The following GRK5 variants were observed in gnomAD, a reference collection of about 807,000 sequenced individuals.
GRK5 encodes the protein G protein-coupled receptor kinase 5.
In GRK5, 40 loss-of-function variants were observed where a neutral mutation model predicts 78.4. The observed-to-expected ratio is 0.51, with a 90% CI of 0.40 to 0.66. The LOEUF (loss-of-function observed/expected upper bound fraction) is 0.66. Among genes scored for constraint, GRK5 ranks in the 30% least tolerant of loss-of-function variants. GRK5 has a pLI of 0.00. For synonymous variants in GRK5, 289 were observed against 296.8 expected (o/e 0.97, Z 0.27); for missense variants, 598 against 759.9 (o/e 0.79, Z 2.50).
chr10:119,259,208 G>A (rs1849334127), intron 1 of GRK5, among the ~76,000 whole-genome samples: 1 of 152,030 alleles, frequency 6.6e-6, no homozygotes, highest in South Asian at 2.1e-4. Flanking sequence ...GGGACTATAG[G>A]CGCCCACCAC....
At chr10:119,245,772 C>A (rs1233096374) in intron 1 of GRK5, among the ~76,000 whole-genome samples, 1 of 152,086 alleles carries the variant, frequency 6.6e-6, no homozygotes. Flanking sequence ...AATCCCAGCA[C>A]TTTGGGAGGC....
At chr10:119,246,019 CAAAAAAAAAAAAA>C (rs941734040) in intron 1 of GRK5, among the ~76,000 whole-genome samples, 1 of 14,036 alleles carries the variant, frequency 7.1e-5, no homozygotes, top group Non-Finnish European at 1.4e-4. Flanking sequence ...GACTCCATCT[CAAAAAAAAAAAAA>C]AAAAAAAAAA....
intron 1 of GRK5, among the ~76,000 whole-genome samples, chr10:119,266,184 G>A (rs1033116852): frequency 6.6e-6 from 1 of 152,184 alleles, no homozygotes; most frequent in Admixed American, 6.5e-5. Context: ...GGATGGGCGC[G>A]AAGGCTCACA....
chr10:119,271,998 C>T lies in GRK5; in HGVS notation c.53-54518C>T, dbSNP rs1393071845. Among the ~76,000 whole-genome samples the T allele has an allele frequency of 6.6e-6, 1 of 152,184 alleles. No homozygotes were observed. The highest frequency in any genetic ancestry group is 1.5e-5 in the Non-Finnish European group (1 of 68,028). On this transcript the variant is annotated intron_variant, in intron 1 of 15. Transcript: ENST00000392870. The surrounding 1 kb of genome is among the most constrained non-coding windows in gnomAD (Gnocchi z 4.1). ...AGTCTCATGACTCTGCTGGGAAGAGCCTTCCTGCGGGCCCCCTTGAGCTAG... is the reference window on the plus strand; with the variant it reads ...AGTCTCATGACTCTGCTGGGAAGAGTCTTCCTGCGGGCCCCCTTGAGCTAG...
intron 2 of GRK5, among the ~76,000 whole-genome samples, chr10:119,361,430 C>T (rs1451890190): frequency 1.3e-5 from 2 of 152,210 alleles, no homozygotes; most frequent in African/African-American, 2.4e-5. Flanking sequence ...CATTCACTTC[C>T]GAGAACCTGC....
At chr10:119,454,063 A>G (rs1267351317) in intron 15 of GRK5, among the ~76,000 whole-genome samples, 2 of 152,188 alleles carry the variant, frequency 1.3e-5, no homozygotes, top group Admixed American at 6.5e-5. Flanking sequence ...TCCCTCACCT[A>G]GTTCTGCTCC....
At chr10:119,250,794 G>A (rs1223734348) in intron 1 of GRK5, among the ~76,000 whole-genome samples, 2 of 152,162 alleles carry the variant, frequency 1.3e-5, no homozygotes, top group Non-Finnish European at 2.9e-5. Flanking sequence ...GAGTAAAGAG[G>A]ATGTGTAATA....
rs186962005 is a variant in GRK5, at chr10:119,253,069, C to T, written c.52+45100C>T. Among the ~76,000 whole-genome samples, 12 of 152,228 alleles carry T rather than the reference C, an allele frequency of 7.9e-5. No individual in the cohort carries two copies. In the South Asian group the frequency reaches 1.2e-3, roughly 16 times the overall value. On this transcript the variant is annotated intron_variant, in intron 1 of 15. Transcript: ENST00000392870. This position sits in a 1 kb window ranked among gnomAD's most constrained non-coding sequence, Gnocchi z 5.7. ...GGACAGTGCCCTGGTTTTCCTGATA[C>T]GCCCCCTTAGTGCTCAAGGCTGGTT...
chr10:119,399,793 A>G (rs1037945725), intron 4 of GRK5, among the ~76,000 whole-genome samples: 4 of 152,106 alleles, frequency 2.6e-5, no homozygotes, highest in African/African-American at 9.7e-5. Flanking sequence ...TACAGAACAC[A>G]TCCAAGAGCC....
chr10:119,430,317 C>G lies in GRK5; in HGVS notation c.534-58C>G. 3.4e-6 allele frequency: 5 copies of G among 1,474,796 alleles called. No homozygotes were observed. The South Asian group carries it at 5.7e-5, about 17-fold the overall frequency. The allele number at this position is 1,474,796 out of a possible 1,614,324, so 91.4% of individuals were successfully genotyped here. ...AGCTGCTCTCAATGTGCCACTGTTT[C>G]CTGTGGATTCTGAGTCTTGGCACCA... On this transcript the variant is annotated intron_variant, in intron 6 of 15. Coordinates refer to ENST00000392870, the MANE Select transcript of GRK5 (RefSeq NM_005308.3). This position sits in a 1 kb window ranked among gnomAD's most constrained non-coding sequence, Gnocchi z 4.5.
At chr10:119,285,728 A>G (rs1440231600) in intron 1 of GRK5, among the ~76,000 whole-genome samples, 2 of 152,166 alleles carry the variant, frequency 1.3e-5, no homozygotes, top group South Asian at 2.1e-4. Context: ...AAAAACTTTT[A>G]ACAACAACAG....
chr10:119,377,734 C>T (rs1851647875), intron 2 of GRK5, among the ~76,000 whole-genome samples: 2 of 152,096 alleles, frequency 1.3e-5, no homozygotes, highest in South Asian at 4.1e-4. Flanking sequence ...TCAAATGAAC[C>T]CTTAAGGGAT....
chr10:119,259,254 C>T (rs11594067), intron 1 of GRK5, among the ~76,000 whole-genome samples: 25,376 of 151,518 alleles, frequency 0.17, 2,246 homozygotes, highest in Admixed American at 0.24. Context: ...TTAGTAGAGA[C>T]GGGGTTTCAC....
At chr10:119,392,495 C>T (rs1047525507) in intron 3 of GRK5, among the ~76,000 whole-genome samples, 3 of 152,176 alleles carry the variant, frequency 2.0e-5, no homozygotes, top group Non-Finnish European at 2.9e-5. Flanking sequence ...CTCTGCCTCC[C>T]GAGTTCAATC....
intron 2 of GRK5, among the ~76,000 whole-genome samples, chr10:119,331,045 T>C (rs983706631): frequency 6.6e-6 from 1 of 152,178 alleles, no homozygotes; most frequent in South Asian, 2.1e-4. Context: ...CCAGTCTGCC[T>C]GGCCCCACCT....
intron 1 of GRK5, among the ~76,000 whole-genome samples, chr10:119,324,880 C>T (rs991500878): frequency 4.0e-5 from 6 of 151,780 alleles, no homozygotes; most frequent in African/African-American, 9.7e-5. Context: ...AGCCTCACCA[C>T]GGCAGGTGCC....
chr10:119,272,591 AAAG>A (rs146077068), intron 1 of GRK5, among the ~76,000 whole-genome samples: 67,451 of 115,188 alleles, frequency 0.59, 20,630 homozygotes, highest in East Asian at 0.74. Flanking sequence ...AAAAAAAAAA[AAAG>A]AAAGAAAGAA....
At chr10:119,245,979 T>C (rs77526287) in intron 1 of GRK5, among the ~76,000 whole-genome samples, 3,202 of 122,250 alleles carry the variant, frequency 0.026, 59 homozygotes, top group Admixed American at 0.089. Flanking sequence ...GAGATCATGC[T>C]ACTGCCCTCC....
chr10:119,264,458 C>T lies in GRK5; in HGVS notation c.52+56489C>T, dbSNP rs547638051. ...TGCTGCTTTCTGAGTGTTGGCCTCTCTCTCCTACTACCGCTCATCCTTCTC... is the reference window on the plus strand; with the variant it reads ...TGCTGCTTTCTGAGTGTTGGCCTCTTTCTCCTACTACCGCTCATCCTTCTC... On this transcript the variant is annotated intron_variant, in intron 1 of 15. Transcript: ENST00000392870. This position sits in a 1 kb window ranked among gnomAD's most constrained non-coding sequence, Gnocchi z 4.1. Among the ~76,000 whole-genome samples the T allele has an allele frequency of 6.6e-6, 1 of 152,270 alleles. No individual in the cohort carries two copies. The highest frequency in any genetic ancestry group is 2.1e-4 in the South Asian group (1 of 4,822).
Sources: gnomAD v4.1 joint callset for allele counts (sites outside exome capture counted in the v4.1 genomes callset) on GRCh38, gnomAD v4.1.1 for gene constraint, Gnocchi (gnomAD v3.1) non-coding constraint, MANE v1.5 for transcripts, NCBI Gene and HGNC (gene_info 2026-07-23, HGNC 2026-07-21) for gene names.